The following CDK19 variants were observed in gnomAD, a reference collection of about 807,000 sequenced individuals.
CDK19 encodes cyclin dependent kinase 19.
CDK19 carries 20 observed loss-of-function variants against 68.3 expected under a neutral mutation model. That is an observed-to-expected ratio of 0.29 (90% CI 0.21 to 0.43). CDK19 has a LOEUF of 0.43. CDK19 is among the 20% of genes least tolerant of loss of function. The pLI is 1.00. For synonymous variants in CDK19, 221 were observed against 222.8 expected (o/e 0.99, Z 0.07); for missense variants, 339 against 623.5 (o/e 0.54, Z 4.86).
chr6:110,781,947 T>G (rs1780858548), intron 1 of CDK19, among the ~76,000 whole-genome samples: 3 of 151,448 alleles, frequency 2.0e-5, no homozygotes, highest in African/African-American at 7.3e-5. Flanking sequence ...CAATCCCAAT[T>G]CCCCAGAATA....
intron 2 of CDK19, among the ~76,000 whole-genome samples, chr6:110,707,800 C>A (rs576251105): frequency 6.6e-6 from 1 of 151,946 alleles, no homozygotes; most frequent in East Asian, 1.9e-4. Context: ...GGTGAAACCC[C>A]ATGTCTACTA....
chr6:110,673,312 G>A (rs574884344), intron 2 of CDK19, among the ~76,000 whole-genome samples: 9 of 151,968 alleles, frequency 5.9e-5, no homozygotes, highest in South Asian at 2.1e-4. Context: ...CTATTACATC[G>A]TATGTATAGA....
rs1299405782 is a variant in CDK19 at position 110,751,061 on chromosome 6, T to C, written c.129-4860A>G. 2.6e-5 allele frequency among the ~76,000 whole-genome samples: 4 copies of C among 152,096 alleles called. No homozygotes were observed. In the East Asian group the frequency reaches 7.7e-4, roughly 29 times the overall value. On this transcript the variant is annotated intron_variant, in intron 1 of 12. Coordinates refer to ENST00000368911, the MANE Select transcript of CDK19 (RefSeq NM_015076.5). The stretch of plus-strand genomic sequence containing the variant: ...ATGTTGCCAGGCTGGTCTCGACTCC[T>C]GGCCTCAAGCGATCCACCCACCTTG...
intron 6 of CDK19, 39 bp from the exon 7 acceptor site, chr6:110,627,184 T>G: frequency 6.7e-7 from 1 of 1,489,670 alleles, no homozygotes; most frequent in Non-Finnish European, 9.2e-7. Flanking sequence ...ATATATTTCC[T>G]TGGTTATAAT....
intron 1 of CDK19, among the ~76,000 whole-genome samples, chr6:110,777,659 C>G (rs544777031): frequency 6.6e-6 from 1 of 152,114 alleles, no homozygotes; most frequent in African/African-American, 2.4e-5. Flanking sequence ...GTCAAAAGAA[C>G]GAAAAGCAGG....
At chr6:110,743,155 A>C (rs941415110) in intron 2 of CDK19, among the ~76,000 whole-genome samples, 18 of 152,196 alleles carry the variant, frequency 1.2e-4, no homozygotes, top group African/African-American at 3.9e-4. Context: ...ATAAAACAAT[A>C]ATTATAAAAT....
chr6:110,616,224 A>C (rs1371547687), intron 12 of CDK19, among the ~76,000 whole-genome samples: 1 of 152,174 alleles, frequency 6.6e-6, no homozygotes, highest in Non-Finnish European at 1.5e-5. Flanking sequence ...TTACACTTTG[A>C]GTTAAACATG....
intron 2 of CDK19, among the ~76,000 whole-genome samples, chr6:110,718,640 A>C (rs1186969230): frequency 2.2e-3 from 2 of 920 alleles, no homozygotes; most frequent in African/African-American, 2.9e-3. Flanking sequence ...TCAAAGTCCA[A>C]AAAAAAAAAA....
At chr6:110,773,025 G>C (rs1367921093) in intron 1 of CDK19, among the ~76,000 whole-genome samples, 1 of 151,032 alleles carries the variant, frequency 6.6e-6, no homozygotes, top group Non-Finnish European at 1.5e-5. Flanking sequence ...AGGCCAGCCT[G>C]GGCAACATGG....
At chr6:110,754,730 T>G (rs1208382794) in intron 1 of CDK19, among the ~76,000 whole-genome samples, 1 of 152,180 alleles carries the variant, frequency 6.6e-6, no homozygotes, top group Non-Finnish European at 1.5e-5. Flanking sequence ...TGCACCCGCC[T>G]TGGCTTCCCA....
chr6:110,749,680 G>A (rs1312277294), intron 1 of CDK19, among the ~76,000 whole-genome samples: 1 of 151,784 alleles, frequency 6.6e-6, no homozygotes, highest in African/African-American at 2.4e-5. Flanking sequence ...AATTTTTGAT[G>A]CAAACAATTC....
chr6:110,696,464 T>C (rs1411012089), intron 2 of CDK19, among the ~76,000 whole-genome samples: 2 of 152,178 alleles, frequency 1.3e-5, no homozygotes. Flanking sequence ...CTTTCCCCAC[T>C]TCTATTCAAC....
intron 1 of CDK19, among the ~76,000 whole-genome samples, chr6:110,758,944 T>C (rs1779006865): frequency 1.3e-5 from 2 of 151,004 alleles, no homozygotes; most frequent in Admixed American, 6.6e-5. Flanking sequence ...AATATAAATA[T>C]CAATGAAAAA....
At chr6:110,792,569 G>A (rs538711730) in intron 1 of CDK19, among the ~76,000 whole-genome samples, 81 of 152,182 alleles carry the variant, frequency 5.3e-4, no homozygotes, top group South Asian at 1.9e-3. Context: ...CACCACGCCC[G>A]GCTAATTTTG....
At chr6:110,664,531 C>CA (rs1169193092) in intron 4 of CDK19, among the ~76,000 whole-genome samples, 2 of 151,984 alleles carry the variant, frequency 1.3e-5, no homozygotes, top group Non-Finnish European at 2.9e-5. Context: ...TACAAGAAAA[C>CA]AAAAAATGTT....
chr6:110,755,448 T>C (rs1235392373), intron 1 of CDK19, among the ~76,000 whole-genome samples: 1 of 151,922 alleles, frequency 6.6e-6, no homozygotes, highest in Non-Finnish European at 1.5e-5. Context: ...ATAGAAGGGC[T>C]TGGTTGTGGT....
At chr6:110,806,398 C>T (rs549332183) in intron 1 of CDK19, among the ~76,000 whole-genome samples, 2 of 151,970 alleles carry the variant, frequency 1.3e-5, no homozygotes, top group South Asian at 2.1e-4. Flanking sequence ...CTTAGCCAAC[C>T]CCCCCATCTC....
intron 2 of CDK19, among the ~76,000 whole-genome samples, chr6:110,691,330 C>T (rs370229230): frequency 2.0e-5 from 3 of 151,880 alleles, no homozygotes; most frequent in Admixed American, 6.6e-5. Flanking sequence ...AAAAATTAGC[C>T]GGGTGTGGTG....
At chr6:110,773,209 A>G (rs1368477055) in intron 1 of CDK19, among the ~76,000 whole-genome samples, 5 of 151,742 alleles carry the variant, frequency 3.3e-5, no homozygotes, top group Admixed American at 6.6e-5. Context: ...GCTGGGCGTG[A>G]TGGTGCGTGT....
Sources: gnomAD v4.1 joint callset for allele counts (sites outside exome capture counted in the v4.1 genomes callset) on GRCh38, gnomAD v4.1.1 for gene constraint, MANE v1.5 for transcripts, NCBI Gene and HGNC (gene_info 2026-07-23, HGNC 2026-07-21) for gene names.